FMNL2: variants seen among roughly 807,000 people sequenced by gnomAD.
FMNL2 encodes formin-like protein 2.
FMNL2 carries 51 observed loss-of-function variants against 130.2 expected under a neutral mutation model. The ratio of observed to expected loss-of-function variants is 0.39; its 90% CI spans 0.31 to 0.49. The LOEUF is 0.49. Ranked by LOEUF, FMNL2 falls within the 20% of genes least tolerant of loss-of-function variation. The pLI is 0.85. For missense variants in FMNL2, 977 were observed against 1,316.2 expected (o/e 0.74, Z 3.99); for synonymous variants, 465 against 467.1 (o/e 1.00, Z 0.06).
chr2:152,382,275 A>G (rs1411891971), intron 1 of FMNL2, among the ~76,000 whole-genome samples: 1 of 152,216 alleles, frequency 6.6e-6, no homozygotes, highest in Non-Finnish European at 1.5e-5. Flanking sequence ...TGTGCCAGCC[A>G]ATTACATTTG....
chr2:152,357,181 A>AC lies in FMNL2; in HGVS notation c.117+21461_117+21462insC, dbSNP rs1682873348. Among the ~76,000 whole-genome samples the AC allele has an allele frequency of 7.9e-4, 89 of 112,586 alleles. 2 individuals are homozygous for AC. Among genetic ancestry groups the AC allele is most frequent in the African/African-American group, 2.3e-3 (71 of 31,166 alleles). The allele number at this position is 112,586 out of a possible 152,430, so 73.9% of individuals were successfully genotyped here. The stretch of plus-strand genomic sequence containing the variant: ...AGTTTAATGTATCACGATAAATATT[A>AC]AATCAGTTTAATGTATCACGATAAA... On this transcript the variant is annotated intron_variant, in intron 1 of 25. Transcript: ENST00000288670.
intron 1 of FMNL2, among the ~76,000 whole-genome samples, chr2:152,429,830 A>G (rs1687403256): frequency 6.6e-6 from 1 of 152,180 alleles, no homozygotes; most frequent in Non-Finnish European, 1.5e-5. Context: ...TCTGTGCTGT[A>G]GTTTTCTTCT....
At chr2:152,635,754 C>G (rs1279118134) in intron 21 of FMNL2, among the ~76,000 whole-genome samples, 1 of 152,202 alleles carries the variant, frequency 6.6e-6, no homozygotes, top group Non-Finnish European at 1.5e-5. Flanking sequence ...CAGAAAGGTT[C>G]ACACTAAACC....
At chr2:152,625,360 A>G in intron 15 of FMNL2, 78 bp from the exon 16 acceptor site, 1 of 1,509,760 alleles carries the variant, frequency 6.6e-7, no homozygotes, top group Non-Finnish European at 9.0e-7. Context: ...TGTCATCTGC[A>G]AGGACTGTTG....
At chr2:152,597,869 C>T (rs1305039792) in intron 9 of FMNL2, among the ~76,000 whole-genome samples, 1 of 152,154 alleles carries the variant, frequency 6.6e-6, no homozygotes, top group Non-Finnish European at 1.5e-5. Flanking sequence ...CTGCTTAAGA[C>T]CCAGAGGTGA....
chr2:152,568,218 G>GTTTTGTTTTTTTTTTTTTTT (rs1553478418), intron 6 of FMNL2, among the ~76,000 whole-genome samples: 1 of 34,860 alleles, frequency 2.9e-5, no homozygotes, highest in African/African-American at 8.4e-5. Context: ...ATTTTGGTGG[G>GTTTTGTTTTTTTTTTTTTTT]TTTTTTTTTT....
At chr2:152,533,010 A>T (rs1259053014) in intron 2 of FMNL2, among the ~76,000 whole-genome samples, 1 of 152,216 alleles carries the variant, frequency 6.6e-6, no homozygotes, top group African/African-American at 2.4e-5. Context: ...TACTTTGCAA[A>T]TATTTCATTA....
rs113033488 is a variant in FMNL2 at position 152,599,116 on chromosome 2, C to T, written c.877-8223C>T. On this transcript the variant is annotated intron_variant, in intron 9 of 25. Transcript: ENST00000288670. ...GTTTGGGCCCTCAGTGGATTGGAGA[C>T]GCCCAGCCACATTGGAGAGGGACGT... Among the ~76,000 whole-genome samples the T allele has an allele frequency of 6.4e-4, 97 of 152,324 alleles. 2 individuals carry two copies. The highest frequency in any genetic ancestry group is 3.3e-3 in the South Asian group (16 of 4,832).
chr2:152,476,384 T>A (rs6739525), intron 1 of FMNL2, among the ~76,000 whole-genome samples: 2,580 of 152,330 alleles, frequency 0.017, 31 homozygotes, highest in Middle Eastern at 0.082. Context: ...CAACATTTTG[T>A]AGAAGGCTGG....
At chr2:152,492,847 G>A (rs1691289299) in intron 1 of FMNL2, among the ~76,000 whole-genome samples, 2 of 152,188 alleles carry the variant, frequency 1.3e-5, no homozygotes, top group Non-Finnish European at 2.9e-5. Context: ...TTATGTGTTG[G>A]TGATAAAAAG....
chr2:152,340,212 C>G (rs988929014), intron 1 of FMNL2, among the ~76,000 whole-genome samples: 1 of 152,094 alleles, frequency 6.6e-6, no homozygotes, highest in East Asian at 1.9e-4. Context: ...TCTAAGTTGC[C>G]TAAAATTATA....
At position 152,543,882 on chromosome 2, in the gene FMNL2, G is replaced by T. The variant is rs569628761; in HGVS notation, c.282+1063G>T. On this transcript the variant is annotated intron_variant, in intron 3 of 25. Transcript: ENST00000288670. ...AGTGTAGTGCAGAACTTCATCACTG[G>T]CTGTATGTCATATGTGACTTGAATG... 2.6e-5 allele frequency among the ~76,000 whole-genome samples: 4 copies of T among 152,102 alleles called. No homozygotes were observed. The South Asian group carries it at 8.3e-4, about 32-fold the overall frequency.
intron 1 of FMNL2, among the ~76,000 whole-genome samples, chr2:152,375,877 C>CTATATATATATATATATATA (rs61564333): frequency 5.3e-4 from 60 of 112,428 alleles, no homozygotes; most frequent in East Asian, 1.6e-3. Context: ...CTCTCTCTCT[C>CTATATATATATATATATATA]TATATATATA....
rs73969200 is a variant in FMNL2 at position 152,587,891 on chromosome 2, A to G, written c.876+6842A>G. On this transcript the variant is annotated intron_variant, in intron 9 of 25. Transcript: ENST00000288670. The stretch of plus-strand genomic sequence containing the variant: ...GTTGAGGAAGCAGATAAATACTTCG[A>G]CAGTTGTAATACCAGGCTTTATAAA... Among the ~76,000 whole-genome samples the G allele has an allele frequency of 3.3e-3, 505 of 152,360 alleles. 5 individuals are homozygous for G. The highest frequency in any genetic ancestry group is 0.012 in the African/African-American group (482 of 41,580).
Position 152,451,251 on chromosome 2 carries a change from C to T in FMNL2, c.118-70692C>T, listed in dbSNP as rs141230134. Among the ~76,000 whole-genome samples, 1,069 of 152,182 alleles carry T rather than the reference C, an allele frequency of 7.0e-3. 5 individuals carry two copies. The highest frequency in any genetic ancestry group is 0.02 in the Middle Eastern group (6 of 294). The stretch of plus-strand genomic sequence containing the variant: ...GCAACCTGCTCCTCCCAGGTTCAAG[C>T]GATTCTTCTGCCTCAGCCTCCCAAG... On this transcript the variant is annotated intron_variant, in intron 1 of 25. Transcript: ENST00000288670.
chr2:152,339,217 A>G (rs1351627383), intron 1 of FMNL2, among the ~76,000 whole-genome samples: 2 of 151,902 alleles, frequency 1.3e-5, no homozygotes, highest in Non-Finnish European at 2.9e-5. Flanking sequence ...CTCATCGGCT[A>G]TCGTTAGTTT....
intron 1 of FMNL2, among the ~76,000 whole-genome samples, chr2:152,441,977 GTGTT>G (rs1194528367): frequency 6.6e-6 from 1 of 152,144 alleles, no homozygotes; most frequent in Non-Finnish European, 1.5e-5. Flanking sequence ...GTGTCTGTGT[GTGTT>G]TGTTTTTTAA....
chr2:152,596,053 C>T (rs1697755381), intron 9 of FMNL2, among the ~76,000 whole-genome samples: 1 of 150,942 alleles, frequency 6.6e-6, no homozygotes, highest in Admixed American at 6.6e-5. Flanking sequence ...ACCTCCTCCT[C>T]TCAGGTTTAA....
intron 1 of FMNL2, among the ~76,000 whole-genome samples, chr2:152,434,525 A>G (rs192883742): frequency 6.5e-4 from 99 of 152,206 alleles, no homozygotes; most frequent in African/African-American, 2.3e-3. Flanking sequence ...CATAAGCTGG[A>G]TCCCAGCTGG....
Sources: gnomAD v4.1 joint callset for allele counts (sites outside exome capture counted in the v4.1 genomes callset) on GRCh38, gnomAD v4.1.1 for gene constraint, MANE v1.5 for transcripts, NCBI Gene and HGNC (gene_info 2026-07-23, HGNC 2026-07-21) for gene names.